The following KIF20B variants were observed in gnomAD, a reference collection of about 807,000 sequenced individuals.
The protein encoded by KIF20B is kinesin family member 20B, also known as kinesin-like protein KIF20B.
Under a neutral mutation model 232.5 loss-of-function variants are expected in KIF20B, and 188 were observed. The observed-to-expected ratio is 0.81, with a 90% confidence interval of 0.72 to 0.91. The LOEUF is 0.91. Among genes scored for constraint, KIF20B ranks in the 40% least tolerant of loss-of-function variants. KIF20B has a pLI of 0.00. For missense variants in KIF20B, 2,154 were observed against 2,055.9 expected, an observed-to-expected ratio of 1.05 and a Z score of -0.92; for synonymous variants, 712 against 683.0, an observed-to-expected ratio of 1.04 and a Z score of -0.66.
chr10:89,731,569 T>C (rs143907467), intron 18 of KIF20B, among the ~76,000 whole-genome samples: 2 of 152,344 alleles, frequency 1.3e-5, no homozygotes, highest in African/African-American at 2.4e-5. Flanking sequence ...TTCTTTGCTT[T>C]TTCTACCCAA....
chr10:89,711,149 T>C lies in KIF20B; in HGVS notation c.675+4T>C, dbSNP rs1842830725. Reference sequence around the variant, plus strand: ...ATTGCTTCGGCAAATTAAAGAGGTATGGAAATATTTTAGTATGTAAAATAT... The same window carrying C: ...ATTGCTTCGGCAAATTAAAGAGGTACGGAAATATTTTAGTATGTAAAATAT... On this transcript the variant is annotated splice_donor_region_variant and intron_variant, in intron 6 of 32. Transcript: ENST00000371728. The C allele has an allele frequency of 1.3e-6, 2 of 1,513,246 alleles. No homozygotes were observed. The highest frequency in any genetic ancestry group is 4.6e-5 in the East Asian group (2 of 43,140). The allele number at this position is 1,513,246 out of a possible 1,614,324, so 93.7% of individuals were successfully genotyped here.
chr10:89,720,794 C>T (rs372483669), intron 13 of KIF20B, among the ~76,000 whole-genome samples: 2 of 152,152 alleles, frequency 1.3e-5, no homozygotes, highest in East Asian at 1.9e-4. Context: ...CAACCTCTGC[C>T]TCCTGGGTTC....
At chr10:89,715,230 G>A (rs766222134) in intron 8 of KIF20B, 48 bp downstream of exon 8, 3 of 1,221,126 alleles carry the variant, frequency 2.5e-6, no homozygotes, top group South Asian at 2.7e-5. Flanking sequence ...TTCTCTTCCT[G>A]GGCTTTGTGA....
chr10:89,742,482 G>T (rs905990737), intron 21 of KIF20B, among the ~76,000 whole-genome samples: 1 of 152,124 alleles, frequency 6.6e-6, no homozygotes, highest in Non-Finnish European at 1.5e-5. Flanking sequence ...GTCCTTACAT[G>T]CATCTTTGTG....
In KIF20B at chr10:89,712,920, C is replaced by G. The variant is rs535270824; in HGVS notation, c.676-1127C>G. On this transcript the variant is annotated intron_variant, in intron 6 of 32. Transcript: ENST00000371728. Reference sequence around the variant, plus strand: ...ACATTTAGAAACCAGGGTTTTAAGGCAGTAAAAAGTGTGTTACCAGTGGAG... The same window carrying G: ...ACATTTAGAAACCAGGGTTTTAAGGGAGTAAAAAGTGTGTTACCAGTGGAG... Among the ~76,000 whole-genome samples, 159 of 152,104 alleles carry G rather than the reference C, an allele frequency of 1.0e-3. 1 individual carries two copies. Among genetic ancestry groups the G allele is most frequent in the African/African-American group, 3.8e-3 (158 of 41,480 alleles).
At chr10:89,710,472 G>T (rs1423516422) in intron 5 of KIF20B, among the ~76,000 whole-genome samples, 1 of 152,092 alleles carries the variant, frequency 6.6e-6, no homozygotes, top group African/African-American at 2.4e-5. Context: ...CAGGTGATAT[G>T]CCCACCTTGG....
chr10:89,717,828 A>T, intron 11 of KIF20B, 106 bp downstream of exon 11: 1 of 676,200 alleles, frequency 1.5e-6, no homozygotes, highest in Non-Finnish European at 2.4e-6. Flanking sequence ...ACTGCTTCTT[A>T]TGTAATGACT....
At chr10:89,707,498 T>G (rs1842748644) in intron 2 of KIF20B, among the ~76,000 whole-genome samples, 1 of 146,370 alleles carries the variant, frequency 6.8e-6, no homozygotes, top group Non-Finnish European at 1.5e-5. Flanking sequence ...ATTTCCTTTT[T>G]TTCTTTCCAT....
chr10:89,709,677 AGTT>A (rs1469021979), intron 4 of KIF20B, among the ~76,000 whole-genome samples: 1 of 151,726 alleles, frequency 6.6e-6, no homozygotes, highest in Non-Finnish European at 1.5e-5. Flanking sequence ...TTTTTATTAA[AGTT>A]ATTATTAATA....
intron 27 of KIF20B, among the ~76,000 whole-genome samples, 159 bp from the exon 28 acceptor site, chr10:89,760,367 A>G (rs1322913438): frequency 4.6e-5 from 7 of 152,156 alleles, no homozygotes; most frequent in Non-Finnish European, 8.8e-5. Flanking sequence ...AGGTTGAAAG[A>G]GAAATAGGAG....
intron 26 of KIF20B, among the ~76,000 whole-genome samples, chr10:89,757,065 TATATAC>T (rs1369603280): frequency 1.5e-5 from 2 of 135,210 alleles, no homozygotes; most frequent in African/African-American, 5.4e-5. Flanking sequence ...TATATATATA[TATATAC>T]ACACATGACA....
chr10:89,716,960 T>G (rs1480294756), intron 9 of KIF20B, among the ~76,000 whole-genome samples: 6 of 152,084 alleles, frequency 3.9e-5, no homozygotes, highest in Non-Finnish European at 8.8e-5. Flanking sequence ...AGGAAATAAG[T>G]TTAAGCAGTG....
chr10:89,708,214 ATTT>A (rs35028648), intron 2 of KIF20B, among the ~76,000 whole-genome samples: 2 of 144,014 alleles, frequency 1.4e-5, no homozygotes. Flanking sequence ...TACAATTTGT[ATTT>A]TTTTTTTTTT....
intron 6 of KIF20B, among the ~76,000 whole-genome samples, chr10:89,713,120 G>T (rs1259097606): frequency 1.3e-5 from 2 of 152,108 alleles, no homozygotes; most frequent in Non-Finnish European, 2.9e-5. Flanking sequence ...AGAACTTTGG[G>T]AGACTGAAGC....
At chr10:89,757,411 T>C (rs970097967) in intron 26 of KIF20B, among the ~76,000 whole-genome samples, 18 of 151,980 alleles carry the variant, frequency 1.2e-4, no homozygotes, top group African/African-American at 4.1e-4. Flanking sequence ...GCAAGTACCT[T>C]CTTTCTATCT....
intron 6 of KIF20B, among the ~76,000 whole-genome samples, 156 bp from the exon 7 acceptor site, chr10:89,713,889 CTA>C (rs143342416): frequency 0.028 from 4,283 of 152,022 alleles, 360 homozygotes; most frequent in East Asian, 0.26. Flanking sequence ...TTCCATGAAA[CTA>C]TATTATTTAA....
intron 18 of KIF20B, among the ~76,000 whole-genome samples, chr10:89,730,701 G>T (rs149455114): frequency 7.2e-5 from 11 of 152,264 alleles, no homozygotes; most frequent in African/African-American, 2.4e-4. Context: ...TGTTTAGGAA[G>T]AAAGTTTGAA....
intron 4 of KIF20B, 100 bp from the exon 5 acceptor site, chr10:89,709,827 A>AT: frequency 1.1e-6 from 1 of 936,700 alleles, no homozygotes; most frequent in Non-Finnish European, 1.5e-6. Flanking sequence ...TATTTTAAGA[A>AT]TGAATCTTTT....
chr10:89,747,736 TG>T (rs1841944276), intron 23 of KIF20B, among the ~76,000 whole-genome samples: 1 of 109,362 alleles, frequency 9.1e-6, no homozygotes, highest in East Asian at 2.6e-4. Context: ...GGGACTGTTA[TG>T]GGGTGGGGGG....
Sources: gnomAD v4.1 joint callset for allele counts (sites outside exome capture counted in the v4.1 genomes callset) on GRCh38, gnomAD v4.1.1 for gene constraint, MANE v1.5 for transcripts, NCBI Gene and HGNC (gene_info 2026-07-23, HGNC 2026-07-21) for gene names.